The following PDZD8 variants were observed in gnomAD, a reference collection of about 807,000 sequenced individuals.
PDZD8 encodes the protein PDZ domain containing 8.
A neutral mutation model predicts 85.8 loss-of-function variants in PDZD8; 14 were observed. That is an observed-to-expected ratio of 0.16 (90% confidence interval 0.11 to 0.26). The LOEUF is 0.26. Among genes scored for constraint, PDZD8 ranks in the 10% least tolerant of loss-of-function variants. The probability of loss-of-function intolerance (pLI) is 1.00; values close to 1 mark genes in which losing one functional copy is unlikely to be tolerated. For missense variants in PDZD8, 1,197 were observed against 1,424.3 expected (o/e 0.84, Z 2.57); for synonymous variants, 592 against 568.6 (o/e 1.04, Z -0.59).
At chr10:117,357,303 G>A (rs552498966) in intron 1 of PDZD8, among the ~76,000 whole-genome samples, 105 of 152,258 alleles carry the variant, frequency 6.9e-4, no homozygotes, top group African/African-American at 2.3e-3. Flanking sequence ...GCTGAAGCAC[G>A]AGAATCACTT....
chr10:117,295,067 G>A (rs1220916064), intron 3 of PDZD8, among the ~76,000 whole-genome samples: 1 of 151,972 alleles, frequency 6.6e-6, no homozygotes, highest in Non-Finnish European at 1.5e-5. Context: ...GATCACTTGA[G>A]CTGGGAAGGT....
chr10:117,326,974 C>T (rs903341522), intron 2 of PDZD8, among the ~76,000 whole-genome samples: 1 of 152,300 alleles, frequency 6.6e-6, no homozygotes, highest in Admixed American at 6.5e-5. Context: ...CATGGGGACC[C>T]TGCTTAGGGA....
At chr10:117,345,729 C>A (rs764180251) in intron 1 of PDZD8, among the ~76,000 whole-genome samples, 1 of 152,028 alleles carries the variant, frequency 6.6e-6, no homozygotes, top group African/African-American at 2.4e-5. Flanking sequence ...ACACACACTG[C>A]CTGTGAGAAG....
intron 1 of PDZD8, among the ~76,000 whole-genome samples, chr10:117,341,945 T>A (rs1844620965): frequency 1.3e-5 from 2 of 152,220 alleles, no homozygotes; most frequent in Admixed American, 6.5e-5. Flanking sequence ...GCTTTTTACA[T>A]GCATTATCTT....
At chr10:117,309,865 G>A (rs184227629) in intron 3 of PDZD8, among the ~76,000 whole-genome samples, 42 of 152,184 alleles carry the variant, frequency 2.8e-4, no homozygotes. Flanking sequence ...AAACGGGTTT[G>A]GGGACTCTTG....
At position 117,284,004 on chromosome 10, in the gene PDZD8, T is replaced by C; in HGVS notation, c.2729A>G (p.Gln910Arg). 6.2e-7 allele frequency: 1 copy of C among 1,614,228 alleles called. No homozygotes were observed. Among genetic ancestry groups the C allele is most frequent in the South Asian group, 1.1e-5 (1 of 91,084 alleles). ...AGGAGGCAGGCCTAAGAGGGTTTCC[T>C]GTCCTTCCAGCCTAAGGTTTTTCAG... ...RTLKNLRLEG[Q>R]ETLLGLPPRV... The change falls in exon 5 of 5, where the codon CAG becomes CGG. Residue 910 changes from glutamine (Q) to arginine (R), a missense_variant. By Grantham distance (43) the Gln-to-Arg change is conservative. Around this residue, in one of 4 missense-constraint regions of PDZD8, gnomAD observed 418 missense variants for 571.1 expected, o/e 0.73. Transcript: ENST00000334464.
chr10:117,284,344 T>C lies in PDZD8; in HGVS notation c.2389A>G (p.Lys797Glu). ...GDITIHFKYL[K>E]EGESDHHVVT... ...ACATGGTGGTCTGATTCTCCTTCTTTCAAATATTTGAAGTGAATAGTAATG... is the reference window on the plus strand; with the variant it reads ...ACATGGTGGTCTGATTCTCCTTCTTCCAAATATTTGAAGTGAATAGTAATG... The change falls in exon 5 of 5, where the codon AAA (lysine) becomes GAA (glutamate). Residue 797 changes from lysine to glutamate, a missense_variant. Physicochemically the swap from Lys to Glu is moderately conservative, Grantham distance 56 (BLOSUM62 1). Transcript: ENST00000334464. The C allele has an allele frequency of 1.2e-6, 2 of 1,614,212 alleles. No homozygotes were observed. Among genetic ancestry groups the C allele is most frequent in the Non-Finnish European group, 1.7e-6 (2 of 1,180,028 alleles).
Position 117,281,561 on chromosome 10 carries a change from T to C in PDZD8, c.*1707A>G, listed in dbSNP as rs1430397433. 6.6e-6 allele frequency: 1 copy of C among 152,184 alleles called. No homozygotes were observed. Among genetic ancestry groups the C allele is most frequent in the Non-Finnish European group, 1.5e-5 (1 of 68,036 alleles). 9.4% of individuals were successfully genotyped at this position (152,184 alleles called of 1,614,324 possible). On this transcript the variant is annotated 3_prime_UTR_variant, in exon 5 of 5. Transcript: ENST00000334464. ...ACTTTTCTCCCCTCAAAAATGTCTTTCTTACTCATATAAATAATGCCTTTT... is the reference window on the plus strand; with the variant it reads ...ACTTTTCTCCCCTCAAAAATGTCTTCCTTACTCATATAAATAATGCCTTTT...
At chr10:117,331,913 T>A (rs530399134) in intron 2 of PDZD8, among the ~76,000 whole-genome samples, 1 of 152,160 alleles carries the variant, frequency 6.6e-6, no homozygotes, top group African/African-American at 2.4e-5. Context: ...AATTCCAAAT[T>A]TGCAGTCTTT....
intron 2 of PDZD8, among the ~76,000 whole-genome samples, chr10:117,330,008 GGGAGGGAGGGAGGGAGGGAA>G (rs1378340713): frequency 1.9e-4 from 14 of 74,026 alleles, no homozygotes; most frequent in African/African-American, 6.9e-4. Context: ...AAGGGAGGGA[GGGAGGGAGGGAGGGAGGGAA>G]GGAGGGAGGG....
At chr10:117,364,163 C>A (rs972826638) in intron 1 of PDZD8, among the ~76,000 whole-genome samples, 3 of 149,902 alleles carry the variant, frequency 2.0e-5, no homozygotes, top group Non-Finnish European at 4.4e-5. Flanking sequence ...CTGGAGACCA[C>A]AATCAACATA....
intron 4 of PDZD8, among the ~76,000 whole-genome samples, chr10:117,287,260 T>G (rs1181837134): frequency 6.6e-6 from 1 of 152,184 alleles, no homozygotes; most frequent in Non-Finnish European, 1.5e-5. Flanking sequence ...CAATTGGTTC[T>G]GATCACCTCT....
chr10:117,349,923 G>A (rs1009931426), intron 1 of PDZD8, among the ~76,000 whole-genome samples: 2 of 152,170 alleles, frequency 1.3e-5, no homozygotes, highest in Non-Finnish European at 2.9e-5. Context: ...ATTACTTAGT[G>A]AAATCTTTTA....
At chr10:117,321,691 A>T (rs1196106438) in intron 2 of PDZD8, among the ~76,000 whole-genome samples, 1 of 152,230 alleles carries the variant, frequency 6.6e-6, no homozygotes, top group Non-Finnish European at 1.5e-5. Context: ...AAGCGTAACA[A>T]TAAATAATGA....
chr10:117,336,893 TAAAAA>T (rs572471697), intron 2 of PDZD8, among the ~76,000 whole-genome samples: 9 of 144,248 alleles, frequency 6.2e-5, no homozygotes, highest in African/African-American at 2.3e-4. Flanking sequence ...ATTTAAAACT[TAAAAA>T]AAAAAAAGAT....
chr10:117,301,804 CAA>C (rs906483654), intron 3 of PDZD8, among the ~76,000 whole-genome samples: 1 of 152,134 alleles, frequency 6.6e-6, no homozygotes, highest in Admixed American at 6.6e-5. Flanking sequence ...AGGCTAAACA[CAA>C]AGAGATACAC....
intron 1 of PDZD8, among the ~76,000 whole-genome samples, chr10:117,344,393 T>G (rs1301663628): frequency 6.6e-6 from 1 of 152,182 alleles, no homozygotes; most frequent in Non-Finnish European, 1.5e-5. Flanking sequence ...TACTTTTTAT[T>G]TTTTATTTTT....
intron 3 of PDZD8, among the ~76,000 whole-genome samples, chr10:117,307,979 C>T (rs1180728427): frequency 6.6e-6 from 1 of 152,046 alleles, no homozygotes; most frequent in Non-Finnish European, 1.5e-5. Flanking sequence ...CTAGAGATGT[C>T]AAATAGTGAA....
chr10:117,285,373 G>C lies in PDZD8; in HGVS notation c.1360C>G (p.Gln454Glu). 1.2e-6 allele frequency: 2 copies of C among 1,614,084 alleles called. No homozygotes were observed. The highest frequency in any genetic ancestry group is 1.1e-5 in the South Asian group (1 of 91,076). ...AAGTTATCTTGCAGCACTGCACCTT[G>C]ATTACTCTGGCCAACAGGCCTTTCA... ...YYERPVGQSN[Q>E]GAVLQDNFGQ... is the part of the protein sequence containing the mutation. Residue 454 changes from glutamine (Q) to glutamate (E), a missense_variant, in exon 5 of 5, where the codon CAA (glutamine) becomes GAA (glutamate). Physicochemically the swap from Gln to Glu is conservative, Grantham distance 29. Around this residue, in one of 4 missense-constraint regions of PDZD8, gnomAD observed 263 missense variants for 261.9 expected, o/e 1.00. Transcript: ENST00000334464.
Sources: allele counts gnomAD v4.1 joint callset (sites outside exome capture counted in the v4.1 genomes callset), GRCh38; gene constraint gnomAD v4.1.1; regional missense constraint gnomAD v4.1.1; transcripts MANE v1.5; gene names NCBI Gene and HGNC (gene_info 2026-07-23, HGNC 2026-07-21).